The following AHCYL2 variants were observed in gnomAD, a reference collection of about 807,000 sequenced individuals.
The protein encoded by AHCYL2 is adenosylhomocysteinase like 2.
AHCYL2 carries 28 observed loss-of-function variants against 81.4 expected under a neutral mutation model. That is an observed-to-expected ratio of 0.34 (90% CI 0.25 to 0.47). The LOEUF (loss-of-function observed/expected upper bound fraction) is 0.47, where lower values mean the gene tolerates loss of function less well. Ranked by LOEUF, AHCYL2 falls within the 20% of genes least tolerant of loss-of-function variation. AHCYL2 has a pLI of 1.00. For synonymous variants in AHCYL2, 272 were observed against 290.2 expected, an observed-to-expected ratio of 0.94 and a Z score of 0.64; for missense variants, 551 against 785.1, an observed-to-expected ratio of 0.70 and a Z score of 3.56.
At chr7:129,282,422 G>A (rs1400268164) in intron 1 of AHCYL2, among the ~76,000 whole-genome samples, 1 of 151,786 alleles carries the variant, frequency 6.6e-6, no homozygotes, top group Non-Finnish European at 1.5e-5. Flanking sequence ...TTCCACTCTG[G>A]TTTACTTTGG....
In AHCYL2 at chr7:129,427,256, G is replaced by A. The variant is rs866284048; in HGVS notation, c.*211G>A. The A allele has an allele frequency of 2.5e-5, 13 of 516,332 alleles. No homozygotes were observed. The Middle Eastern group carries it at 3.4e-3, about 135-fold the overall frequency. 32.0% of individuals were successfully genotyped at this position (516,332 alleles called of 1,614,324 possible). ...GGTTACTGCCCTGAGGGCCATGAAAGCCACAGAGGATGGGCTGAGGAAGGA... is the reference window on the plus strand; with the variant it reads ...GGTTACTGCCCTGAGGGCCATGAAAACCACAGAGGATGGGCTGAGGAAGGA... On this transcript the variant is annotated 3_prime_UTR_variant, in exon 17 of 17. Transcript: ENST00000325006. The surrounding 1 kb of genome is among the most constrained non-coding windows in gnomAD (Gnocchi z 5.5).
chr7:129,322,077 G>A (rs1191096922), intron 1 of AHCYL2, among the ~76,000 whole-genome samples: 1 of 151,264 alleles, frequency 6.6e-6, no homozygotes, highest in Non-Finnish European at 1.5e-5. Context: ...TAAATATTTG[G>A]AATTCACCAA....
chr7:129,345,266 T>C (rs962998941), intron 1 of AHCYL2, among the ~76,000 whole-genome samples: 3 of 152,236 alleles, frequency 2.0e-5, no homozygotes, highest in Admixed American at 2.0e-4. Flanking sequence ...CTTACATTTA[T>C]TTTCTTTTTT....
At chr7:129,410,254 T>C (rs1217328047) in intron 11 of AHCYL2, 43 of 1,614,066 alleles carry the variant, frequency 2.7e-5, no homozygotes, top group Non-Finnish European at 2.9e-5. Flanking sequence ...CACTGCCTCC[T>C]ACAACTTCCA....
At chr7:129,289,647 G>A (rs1015760988) in intron 1 of AHCYL2, among the ~76,000 whole-genome samples, 11 of 152,040 alleles carry the variant, frequency 7.2e-5, no homozygotes, top group African/African-American at 2.2e-4. Context: ...TGGTTCACTA[G>A]CATTCTCCAA....
At chr7:129,394,572 C>G (rs923746669) in intron 4 of AHCYL2, among the ~76,000 whole-genome samples, 3 of 151,610 alleles carry the variant, frequency 2.0e-5, no homozygotes, top group African/African-American at 7.3e-5. Flanking sequence ...CTCAGCCTCC[C>G]GAATAACTGG....
At chr7:129,414,707 C>T (rs888644413) in intron 12 of AHCYL2, among the ~76,000 whole-genome samples, 3 of 152,262 alleles carry the variant, frequency 2.0e-5, no homozygotes, top group African/African-American at 2.4e-5. Context: ...GCATGAGCCA[C>T]CACACCCAGC....
rs1795826969 is a variant in AHCYL2, at chr7:129,266,854, T to C, written c.363+41415T>C. 2.0e-5 allele frequency among the ~76,000 whole-genome samples: 3 copies of C among 152,286 alleles called. 1 individual carries two copies. The South Asian group carries it at 6.2e-4, about 32-fold the overall frequency. ...TGCTACAAAAGATATTAAACAAAGA[T>C]GATTAGATGATTTTGTATGACTAAC... On this transcript the variant is annotated intron_variant, in intron 1 of 16. Coordinates refer to ENST00000325006, the MANE Select transcript of AHCYL2 (RefSeq NM_015328.4).
chr7:129,414,172 TTTC>T (rs1796728942), intron 12 of AHCYL2, among the ~76,000 whole-genome samples: 1 of 152,138 alleles, frequency 6.6e-6, no homozygotes, highest in Non-Finnish European at 1.5e-5. Context: ...AATACTGCGG[TTTC>T]TTCTTTTATC....
At chr7:129,324,107 T>A (rs1798135202) in intron 1 of AHCYL2, among the ~76,000 whole-genome samples, 1 of 152,130 alleles carries the variant, frequency 6.6e-6, no homozygotes, top group African/African-American at 2.4e-5. Flanking sequence ...GGTCTTGAAC[T>A]CCTGACCTTT....
At chr7:129,389,344 AC>A (rs1389078235) in intron 3 of AHCYL2, 145 bp downstream of exon 3, 1 of 1,035,268 alleles carries the variant, frequency 9.7e-7, no homozygotes, top group African/African-American at 1.6e-5. Context: ...AGTTCAAGAA[AC>A]ACTGGGGAAA....
chr7:129,277,933 GTTAA>G (rs1796283926), intron 1 of AHCYL2, among the ~76,000 whole-genome samples: 1 of 152,126 alleles, frequency 6.6e-6, no homozygotes, highest in East Asian at 1.9e-4. Flanking sequence ...GTTCCTCGTT[GTTAA>G]ATATCTGGAA....
chr7:129,416,090 C>T (rs377250373), intron 12 of AHCYL2, among the ~76,000 whole-genome samples: 5 of 151,780 alleles, frequency 3.3e-5, no homozygotes, highest in African/African-American at 1.2e-4. Context: ...TTTTTTACTC[C>T]TAGTCTAGTT....
At chr7:129,299,187 C>A (rs1210153867) in intron 1 of AHCYL2, among the ~76,000 whole-genome samples, 1 of 149,876 alleles carries the variant, frequency 6.7e-6, no homozygotes, top group East Asian at 2.0e-4. Flanking sequence ...AACTATGGGG[C>A]ATGGTAGTCC....
chr7:129,421,522 G>C (rs1475477986), intron 12 of AHCYL2, among the ~76,000 whole-genome samples: 1 of 152,086 alleles, frequency 6.6e-6, no homozygotes, highest in Non-Finnish European at 1.5e-5. Context: ...GAAACTGATT[G>C]GTCAAAGATT....
At chr7:129,316,720 A>T (rs1797836210) in intron 1 of AHCYL2, among the ~76,000 whole-genome samples, 1 of 152,230 alleles carries the variant, frequency 6.6e-6, no homozygotes, top group Non-Finnish European at 1.5e-5. Context: ...TATATGCTTT[A>T]TGCATTCTCA....
rs148636751 is a variant in AHCYL2 at position 129,278,910 on chromosome 7, T to A, written c.363+53471T>A. On this transcript the variant is annotated intron_variant, in intron 1 of 16. Coordinates refer to ENST00000325006, the MANE Select transcript of AHCYL2 (RefSeq NM_015328.4). ...GGGTGTATTTTTGGACTTTCTTCTG[T>A]TCCATTGATCTGTTTGTCTAACTTG... Among the ~76,000 whole-genome samples the A allele has an allele frequency of 3.0e-3, 455 of 152,292 alleles. 2 individuals carry two copies. The highest frequency in any genetic ancestry group is 4.7e-3 in the Non-Finnish European group (317 of 68,024).
chr7:129,346,693 A>G (rs759240214), intron 1 of AHCYL2, among the ~76,000 whole-genome samples: 1 of 152,218 alleles, frequency 6.6e-6, no homozygotes, highest in Non-Finnish European at 1.5e-5. Context: ...TGGGTATGCA[A>G]TATTATACAG....
At position 129,372,220 on chromosome 7, in the gene AHCYL2, A is replaced by G. The variant is rs114439438; in HGVS notation, c.364-7418A>G. The stretch of plus-strand genomic sequence containing the variant: ...TTTCAAAACCCTCTCACATCTTATT[A>G]TCTCAGCATACATTTTAAATAGGCA... On this transcript the variant is annotated intron_variant, in intron 1 of 16. Transcript: ENST00000325006. 6.6e-3 allele frequency among the ~76,000 whole-genome samples: 1,002 copies of G among 152,336 alleles called. 9 individuals carry two copies. Among genetic ancestry groups the G allele is most frequent in the African/African-American group, 0.023 (961 of 41,566 alleles).
Sources: gnomAD v4.1 joint callset for allele counts (sites outside exome capture counted in the v4.1 genomes callset) on GRCh38, gnomAD v4.1.1 for gene constraint, Gnocchi (gnomAD v3.1) non-coding constraint, MANE v1.5 for transcripts, NCBI Gene and HGNC (gene_info 2026-07-23, HGNC 2026-07-21) for gene names.